COL2A1: variants seen among roughly 807,000 people sequenced by gnomAD.
COL2A1 encodes collagen alpha-1(II) chain.
A neutral mutation model predicts 204.5 loss-of-function variants in COL2A1; 28 were observed. The observed-to-expected ratio is 0.14, with a 90% CI of 0.10 to 0.19. The LOEUF (loss-of-function observed/expected upper bound fraction) is 0.19, where lower values mean the gene tolerates loss of function less well. Among genes scored for constraint, COL2A1 ranks in the 10% least tolerant of loss-of-function variants. The probability of loss-of-function intolerance (pLI) is 1.00; values close to 1 mark genes in which losing one functional copy is unlikely to be tolerated. For missense variants in COL2A1, 1,388 were observed against 2,027.5 expected, an observed-to-expected ratio of 0.68 and a Z score of 6.06; for synonymous variants, 708 against 718.7, an observed-to-expected ratio of 0.99 and a Z score of 0.24.
intron 16 of COL2A1, among the ~76,000 whole-genome samples, chr12:47,992,123 G>A (rs143275950): frequency 9.7e-4 from 147 of 152,176 alleles, no homozygotes; most frequent in African/African-American, 3.3e-3. Context: ...CGCATCACTC[G>A]CCTGACCAAG....
At chr12:47,983,210 G>T in intron 31 of COL2A1, 73 bp from the exon 32 acceptor site, 1 of 1,552,490 alleles carries the variant, frequency 6.4e-7, no homozygotes, top group Non-Finnish European at 8.8e-7. Flanking sequence ...TCCACAGCAG[G>T]GCTGAATATC....
chr12:47,982,285 C>A, intron 34 of COL2A1, 125 bp from the exon 35 acceptor site: 2 of 925,814 alleles, frequency 2.2e-6, no homozygotes, highest in South Asian at 2.6e-5. Flanking sequence ...TTGCTGTGGT[C>A]TCAGGGTGGG....
At position 47,973,207 on chromosome 12, in the gene COL2A1, A is replaced by G. The variant is rs1938519614; in HGVS notation, c.*200T>C. ...CAGGAAGACAATAAATAAATAGAAC[A>G]CCGAGATTTTATTTTGCAGTCTGCC... On this transcript the variant is annotated 3_prime_UTR_variant, in exon 54 of 54. Coordinates refer to ENST00000380518, the MANE Select transcript of COL2A1 (RefSeq NM_001844.5). 2.9e-6 allele frequency: 2 copies of G among 684,712 alleles called. No individual in the cohort carries two copies. Among genetic ancestry groups the G allele is most frequent in the South Asian group, 3.3e-5 (2 of 59,744 alleles). The allele number at this position is 684,712 out of a possible 1,614,324, so 42.4% of individuals were successfully genotyped here.
chr12:47,982,823 C>G (rs1245565183), intron 33 of COL2A1, 25 bp downstream of exon 33: 1 of 1,593,980 alleles, frequency 6.3e-7, no homozygotes, highest in Non-Finnish European at 8.6e-7. Context: ...CCACGAAGAC[C>G]CCTACAGGAT....
chr12:47,985,594 T>A lies in COL2A1; in HGVS notation c.1681-7A>T. ...CAGGGCGGCCAGTGAGACCCTTTGT[T>A]CAGGAGAGAGAAGAGGGTGGGGTCA... On this transcript the variant is annotated splice_polypyrimidine_tract_variant and splice_region_variant and intron_variant, in intron 25 of 53. Coordinates refer to ENST00000380518, the MANE Select transcript of COL2A1 (RefSeq NM_001844.5). 1 of 1,613,936 alleles carries A rather than the reference T, an allele frequency of 6.2e-7. No individual in the cohort carries two copies. The highest frequency in any genetic ancestry group is 8.5e-7 in the Non-Finnish European group (1 of 1,180,010).
Position 47,982,886 on chromosome 12 carries a change from G to C in COL2A1, c.2155C>G (p.Arg719Gly). The C allele has an allele frequency of 6.2e-7, 1 of 1,612,868 alleles. No individual in the cohort carries two copies. The highest frequency in any genetic ancestry group is 1.1e-5 in the South Asian group (1 of 91,064). The change falls in exon 33 of 54, where the codon CGT (arginine) becomes GGT (glycine). Residue 719 changes from arginine to glycine, a missense_variant. Arg to Gly is a moderately radical substitution (Grantham distance 125, BLOSUM62 -2). Coordinates refer to ENST00000380518, the MANE Select transcript of COL2A1 (RefSeq NM_001844.5). Reference protein sequence around the residue: ...SPGAQGLQGPRGLPGTPGTDG... With the variant: ...SPGAQGLQGPGGLPGTPGTDG... ...GTGCCAGGAGTGCCGGGGAGGCCAC[G>C]GGGACCCTGGAGGCCCTGGGCACCG...
intron 40 of COL2A1, 71 bp downstream of exon 40, chr12:47,979,938 C>CG (rs1252138958): frequency 1.2e-5 from 17 of 1,388,070 alleles, no homozygotes; most frequent in Admixed American, 6.2e-5. Context: ...CCAGAACACC[C>CG]CCGCCATGGG....
At chr12:48,002,667 G>T (rs1793933) in intron 1 of COL2A1, 115,827 of 152,230 alleles carry the variant, frequency 0.76, 44,704 homozygotes, top group Middle Eastern at 0.85. Flanking sequence ...ATTCCATTGC[G>T]CACTAAGGCA....
In COL2A1 at chr12:47,998,551, G is replaced by A. The variant is rs1246054909; in HGVS notation, c.293-120C>T. 26 of 1,108,620 alleles carry A rather than the reference G, an allele frequency of 2.3e-5. No individual in the cohort carries two copies. The Admixed American group carries it at 2.5e-4, about 11-fold the overall frequency. The allele number at this position is 1,108,620 out of a possible 1,614,324, so 68.7% of individuals were successfully genotyped here. ...GTAAAAGGACACAATCAAGGAAGGCGGCAGCTTCCTGTGACTCCACTGAAC... is the reference window on the plus strand; with the variant it reads ...GTAAAAGGACACAATCAAGGAAGGCAGCAGCTTCCTGTGACTCCACTGAAC... On this transcript the variant is annotated intron_variant, in intron 2 of 53. Coordinates refer to ENST00000380518, the MANE Select transcript of COL2A1 (RefSeq NM_001844.5).
chr12:47,979,635 G>GGC, intron 40 of COL2A1, 71 bp from the exon 41 acceptor site: 2 of 557,544 alleles, frequency 3.6e-6, no homozygotes, highest in East Asian at 4.2e-5. Context: ...TGGGCGGGGG[G>GGC]CGGGGGTGGT....
Position 47,973,024 on chromosome 12 carries a change from G to T in COL2A1, c.*383C>A. The stretch of plus-strand genomic sequence containing the variant: ...AATTGATGTTTTAAAAAATACAGAG[G>T]TGTTTGACACAGAATAGCACCATTG... On this transcript the variant is annotated 3_prime_UTR_variant, in exon 54 of 54. Transcript: ENST00000380518. 2 of 513,452 alleles carry T rather than the reference G, an allele frequency of 3.9e-6. No homozygotes were observed. Among genetic ancestry groups the T allele is most frequent in the Non-Finnish European group, 6.8e-6 (2 of 292,320 alleles). The allele number at this position is 513,452 out of a possible 1,614,324, so 31.8% of individuals were successfully genotyped here.
Position 48,000,137 on chromosome 12 carries a change from G to A in COL2A1, c.86-12C>T, listed in dbSNP as rs200597119. 1.9e-6 allele frequency: 3 copies of A among 1,605,522 alleles called. No homozygotes were observed. The highest frequency in any genetic ancestry group is 2.6e-6 in the Non-Finnish European group (3 of 1,174,176). On this transcript the variant is annotated splice_polypyrimidine_tract_variant and intron_variant, in intron 1 of 53. Transcript: ENST00000380518. ...GCTGCCAGCCTCCTCTGCACCAAGG[G>A]TGGGGAGGGAGAAGCAGAGAGCCAA...
At chr12:47,979,451 G>C in intron 41 of COL2A1, 60 bp downstream of exon 41, 1 of 1,573,064 alleles carries the variant, frequency 6.4e-7, no homozygotes, top group Non-Finnish European at 8.7e-7. Flanking sequence ...GACCCTGTTG[G>C]GTGCTGGGCC....
intron 53 of COL2A1, among the ~76,000 whole-genome samples, 166 bp downstream of exon 53, chr12:47,973,923 C>T (rs926305208): frequency 6.6e-6 from 1 of 152,152 alleles, no homozygotes; most frequent in Non-Finnish European, 1.5e-5. Context: ...ATGATATGTG[C>T]CTCTCTCTCA....
intron 2 of COL2A1, chr12:47,999,660 TCAC>T: frequency 1.1e-5 from 2 of 184,126 alleles, no homozygotes; most frequent in Non-Finnish European, 2.0e-5. Context: ...TTTTGTAGAA[TCAC>T]ATCTGTCCTT....
rs773916654 is a variant in COL2A1 at position 47,997,994 on chromosome 12, G to A, written c.375+38C>T. ...TGCAGATCAGTAACTTGCGCGCAGC[G>A]AGGAAGGGACGGAGAAAGAGATTTC... On this transcript the variant is annotated intron_variant, in intron 5 of 53. Coordinates refer to ENST00000380518, the MANE Select transcript of COL2A1 (RefSeq NM_001844.5). 9.9e-6 allele frequency: 16 copies of A among 1,614,076 alleles called. No individual in the cohort carries two copies. In the East Asian group the frequency reaches 1.8e-4, roughly 18 times the overall value.
In COL2A1 at chr12:47,996,568, C is replaced by T. The variant is rs2136622066; in HGVS notation, c.589G>A (p.Gly197Arg). The change falls in exon 8 of 54, where the codon GGA (glycine) becomes AGA (arginine). Residue 197 changes from glycine to arginine, a missense_variant. Transcript: ENST00000380518. Reference sequence around the variant, plus strand: ...CTTACCATTGGTCCTTGCATTACTCCCAACTGGGCGCCACCAGCCTTTTCA... The same window carrying T: ...CTTACCATTGGTCCTTGCATTACTCTCAACTGGGCGCCACCAGCCTTTTCA... The part of the protein sequence containing the change: ...FDEKAGGAQL[G>R]VMQGPMGPMG... The T allele has an allele frequency of 6.2e-7, 1 of 1,614,222 alleles. No individual in the cohort carries two copies. Among genetic ancestry groups the T allele is most frequent in the Non-Finnish European group, 8.5e-7 (1 of 1,180,024 alleles).
intron 50 of COL2A1, 152 bp from the exon 51 acceptor site, chr12:47,975,757 C>T (rs912390793): frequency 1.1e-6 from 1 of 893,660 alleles, no homozygotes. Flanking sequence ...AACCACAGCA[C>T]CATGTCTATT....
chr12:47,987,017 GGGT>G lies in COL2A1; in HGVS notation c.1365+58_1365+60del, dbSNP rs1939456008. 5 of 1,582,770 alleles carry G rather than the reference GGGT, an allele frequency of 3.2e-6. No individual in the cohort carries two copies. Among genetic ancestry groups the G allele is most frequent in the African/African-American group, 1.3e-5 (1 of 74,406 alleles). On this transcript the variant is annotated intron_variant, in intron 21 of 53. Coordinates refer to ENST00000380518, the MANE Select transcript of COL2A1 (RefSeq NM_001844.5). This position sits in a 1 kb window ranked among gnomAD's most constrained non-coding sequence, Gnocchi z 4.1. ...CAGGGCAGGAGAGCATGGGAAAGAG[GGGT>G]GATGGGGTTTGACTCCAGAGATGTC...
Sources: allele counts gnomAD v4.1 joint callset (sites outside exome capture counted in the v4.1 genomes callset), GRCh38; gene constraint gnomAD v4.1.1; non-coding constraint Gnocchi (gnomAD v3.1); transcripts MANE v1.5; gene names NCBI Gene and HGNC (gene_info 2026-07-23, HGNC 2026-07-21).